The following SNTG1 variants were observed in gnomAD, a reference collection of about 807,000 sequenced individuals.
SNTG1 encodes gamma-1-syntrophin.
Under a neutral mutation model 74.7 loss-of-function variants are expected in SNTG1, and 39 were observed. The ratio of observed to expected loss-of-function variants is 0.52; its 90% CI spans 0.40 to 0.68. The LOEUF is 0.68. Among genes scored for constraint, SNTG1 ranks in the 30% least tolerant of loss-of-function variants. The pLI is 0.00. For missense variants in SNTG1, 685 were observed against 609.5 expected, an observed-to-expected ratio of 1.12 and a Z score of -1.30; for synonymous variants, 254 against 217.1, an observed-to-expected ratio of 1.17 and a Z score of -1.49.
intron 1 of SNTG1, among the ~76,000 whole-genome samples, chr8:50,149,525 G>A (rs2081990221): frequency 6.6e-6 from 1 of 152,170 alleles, no homozygotes; most frequent in South Asian, 2.1e-4. Flanking sequence ...ATGGTTTCAG[G>A]TCTAACATTT....
intron 11 of SNTG1, among the ~76,000 whole-genome samples, chr8:50,548,111 A>C (rs948739206): frequency 2.6e-5 from 4 of 152,210 alleles, no homozygotes; most frequent in Non-Finnish European, 5.9e-5. Context: ...TCTTTGCACA[A>C]TTTATTACTT....
intron 2 of SNTG1, among the ~76,000 whole-genome samples, chr8:50,226,670 C>CA (rs2085346063): frequency 6.6e-6 from 1 of 152,018 alleles, no homozygotes. Flanking sequence ...GAAGCCCCCC[C>CA]ACCCACTTTG....
At chr8:50,478,481 G>A (rs565127804) in intron 8 of SNTG1, among the ~76,000 whole-genome samples, 5 of 152,116 alleles carry the variant, frequency 3.3e-5, no homozygotes, top group East Asian at 3.9e-4. Flanking sequence ...ATTATCAATC[G>A]TTTCACTCTG....
chr8:50,772,337 C>T (rs551421757), intron 18 of SNTG1, among the ~76,000 whole-genome samples: 13 of 152,238 alleles, frequency 8.5e-5, no homozygotes, highest in African/African-American at 2.9e-4. Context: ...ATCCTGGAGC[C>T]TTAAGATTTA....
At chr8:50,609,817 TA>T (rs2094837627) in intron 13 of SNTG1, among the ~76,000 whole-genome samples, 2 of 152,156 alleles carry the variant, frequency 1.3e-5, no homozygotes, top group East Asian at 3.8e-4. Context: ...TTTTCTACTC[TA>T]AAAGTTTCAT....
chr8:49,921,853 G>T (rs1023987376), intron 1 of SNTG1, among the ~76,000 whole-genome samples: 1 of 152,052 alleles, frequency 6.6e-6, no homozygotes, highest in African/African-American at 2.4e-5. Context: ...GTCAATAGTT[G>T]CTCATTTGTT....
chr8:50,358,459 G>T (rs1179111638), intron 2 of SNTG1, among the ~76,000 whole-genome samples: 1 of 152,158 alleles, frequency 6.6e-6, no homozygotes, highest in Non-Finnish European at 1.5e-5. Context: ...CACACTAAAG[G>T]AGAAAATCAC....
intron 1 of SNTG1, chr8:50,011,948 A>G (rs1025449686): frequency 3.3e-5 from 5 of 152,148 alleles, no homozygotes; most frequent in African/African-American, 1.2e-4. Flanking sequence ...TATAAATGCT[A>G]TCACCTTTTT....
chr8:50,305,256 C>T (rs908176437), intron 2 of SNTG1, among the ~76,000 whole-genome samples: 11 of 152,000 alleles, frequency 7.2e-5, no homozygotes, highest in Non-Finnish European at 1.6e-4. Context: ...TTTCTCTTGG[C>T]ATAAACTATA....
chr8:50,347,631 A>C (rs1225605763), intron 2 of SNTG1, among the ~76,000 whole-genome samples: 1 of 152,256 alleles, frequency 6.6e-6, no homozygotes, highest in Non-Finnish European at 1.5e-5. Context: ...TGGGAAAAGT[A>C]AGTTGAAAAC....
intron 2 of SNTG1, among the ~76,000 whole-genome samples, chr8:50,389,402 G>A (rs12156091): frequency 0.16 from 23,891 of 152,066 alleles, 2,322 homozygotes; most frequent in Middle Eastern, 0.25. Context: ...GACATGTTCA[G>A]TTTCTACTAA....
At chr8:50,710,539 G>C (rs1252543613) in intron 17 of SNTG1, among the ~76,000 whole-genome samples, 1 of 152,076 alleles carries the variant, frequency 6.6e-6, no homozygotes, top group East Asian at 1.9e-4. Context: ...CCAAACTCTA[G>C]TACACGAATG....
intron 5 of SNTG1, among the ~76,000 whole-genome samples, chr8:50,441,075 C>T (rs1417535886): frequency 6.6e-6 from 1 of 152,084 alleles, no homozygotes; most frequent in Non-Finnish European, 1.5e-5. Context: ...CATGGTAATT[C>T]CTCACATCTC....
At position 50,604,107 on chromosome 8, in the gene SNTG1, C is replaced by T. The variant is rs10101423; in HGVS notation, c.849+13190C>T. On this transcript the variant is annotated intron_variant, in intron 13 of 18. Coordinates refer to ENST00000642720, the MANE Select transcript of SNTG1 (RefSeq NM_018967.5). ...GGGTTCAGACATGTTTTCTAGGGGC[C>T]AGGGACTAGAGTCAAAAACCTTAGA... is the stretch of plus-strand genomic sequence containing the variant. 6.0e-3 allele frequency among the ~76,000 whole-genome samples: 919 copies of T among 152,232 alleles called. 12 individuals are homozygous for T. Among genetic ancestry groups the T allele is most frequent in the African/African-American group, 0.021 (875 of 41,546 alleles).
intron 13 of SNTG1, among the ~76,000 whole-genome samples, chr8:50,605,384 G>A (rs1441812741): frequency 1.3e-5 from 2 of 152,186 alleles, no homozygotes. Flanking sequence ...GAGCATTTTA[G>A]ACTGCAGTGG....
At chr8:50,511,378 AG>A (rs2094072868) in intron 9 of SNTG1, among the ~76,000 whole-genome samples, 1 of 152,190 alleles carries the variant, frequency 6.6e-6, no homozygotes, top group Non-Finnish European at 1.5e-5. Flanking sequence ...AGTGTTGAAA[AG>A]AATGTATATT....
At chr8:50,297,853 G>A (rs2089459403) in intron 2 of SNTG1, among the ~76,000 whole-genome samples, 1 of 150,956 alleles carries the variant, frequency 6.6e-6, no homozygotes, top group Non-Finnish European at 1.5e-5. Flanking sequence ...CTGAGTTGCA[G>A]GAGGAAGATT....
At chr8:50,108,175 A>G (rs1439126960) in intron 1 of SNTG1, among the ~76,000 whole-genome samples, 2 of 152,206 alleles carry the variant, frequency 1.3e-5, no homozygotes, top group African/African-American at 4.8e-5. Flanking sequence ...TTTACTAACT[A>G]AATAGAACTC....
At chr8:50,019,983 T>C (rs748366748) in intron 1 of SNTG1, among the ~76,000 whole-genome samples, 8 of 152,102 alleles carry the variant, frequency 5.3e-5, no homozygotes, top group East Asian at 1.9e-4. Flanking sequence ...CTAAAACAGA[T>C]GGCAATTTGA....
Sources: allele counts gnomAD v4.1 joint callset (sites outside exome capture counted in the v4.1 genomes callset), GRCh38; gene constraint gnomAD v4.1.1; transcripts MANE v1.5; gene names NCBI Gene and HGNC (gene_info 2026-07-23, HGNC 2026-07-21).